Variants in ASPRV1 observed in about 807,000 individuals in gnomAD.
ASPRV1 encodes retroviral-like aspartic protease 1.
Under a neutral mutation model 11.0 loss-of-function variants are expected in ASPRV1, and 7 were observed. The ratio of observed to expected loss-of-function variants is 0.64; its 90% CI spans 0.36 to 1.20. The LOEUF (loss-of-function observed/expected upper bound fraction) is 1.20. Ranked by LOEUF, ASPRV1 falls within the 50% of genes most tolerant of loss-of-function variation. The probability of loss-of-function intolerance (pLI) is 0.02; values close to 1 mark genes in which losing one functional copy is unlikely to be tolerated. For missense variants in ASPRV1, 299 were observed against 320.0 expected (o/e 0.93, Z 0.50); for synonymous variants, 136 against 138.4 (o/e 0.98, Z 0.12).
chr2:69,997,494 C>T, the ASPRV1 span, among the ~76,000 whole-genome samples: 401 of 152,280 alleles, frequency 2.6e-3, 2 homozygotes, highest in Non-Finnish European at 4.9e-3. Flanking sequence ...CTGTGAGTCA[C>T]CCCGGGCTTC....
At chr2:70,053,014 T>C in the ASPRV1 span, among the ~76,000 whole-genome samples, 4 of 152,110 alleles carry the variant, frequency 2.6e-5, no homozygotes, top group East Asian at 1.9e-4. Context: ...GCCCCTACCA[T>C]GTCCTCTCCT....
chr2:70,072,355 C>A, the ASPRV1 span, among the ~76,000 whole-genome samples: 1 of 152,016 alleles, frequency 6.6e-6, no homozygotes, highest in Non-Finnish European at 1.5e-5. Flanking sequence ...GAGTTCAAGG[C>A]TACAGTAAGC....
At chr2:69,987,262 T>C in the ASPRV1 span, among the ~76,000 whole-genome samples, 4 of 151,918 alleles carry the variant, frequency 2.6e-5, no homozygotes, top group Non-Finnish European at 5.9e-5. Context: ...GCCGCGATGT[T>C]CCCCAAGGCT....
At chr2:70,023,219 C>T in the ASPRV1 span, among the ~76,000 whole-genome samples, 7 of 152,092 alleles carry the variant, frequency 4.6e-5, no homozygotes, top group Non-Finnish European at 7.4e-5. Flanking sequence ...AAGATGGGGG[C>T]GAGGGCCTGA....
chr2:70,080,320 A>G, the ASPRV1 span, among the ~76,000 whole-genome samples: 1 of 151,804 alleles, frequency 6.6e-6, no homozygotes, highest in East Asian at 1.9e-4. Flanking sequence ...TCCGCCTCCC[A>G]GGTTCAAGCA....
the ASPRV1 span, among the ~76,000 whole-genome samples, chr2:70,009,599 G>C: frequency 1.3e-5 from 2 of 152,110 alleles, no homozygotes; most frequent in African/African-American, 4.8e-5. Flanking sequence ...CAAAGTGCTG[G>C]GATTACAGGC....
the ASPRV1 span, among the ~76,000 whole-genome samples, chr2:69,984,192 C>T: frequency 1.3e-5 from 2 of 152,232 alleles, no homozygotes; most frequent in South Asian, 4.1e-4. Context: ...GGGTGCACCA[C>T]CATACCCAGC....
chr2:69,960,010 G>C (rs182474519), downstream of ASPRV1: 2 of 152,524 alleles, frequency 1.3e-5, no homozygotes, highest in East Asian at 1.9e-4. Context: ...TAGGCACTCA[G>C]TAGACATGTG....
the ASPRV1 span, among the ~76,000 whole-genome samples, chr2:70,025,214 G>A: frequency 6.6e-6 from 1 of 152,280 alleles, no homozygotes; most frequent in Middle Eastern, 3.4e-3. Context: ...GTGTGTTGGG[G>A]ATTAGAAATG....
chr2:69,999,663 A>T, the ASPRV1 span, among the ~76,000 whole-genome samples: 3 of 150,936 alleles, frequency 2.0e-5, no homozygotes, highest in South Asian at 6.3e-4. Flanking sequence ...CTCAAAAAAA[A>T]AAAAAAAAAA....
the ASPRV1 span, among the ~76,000 whole-genome samples, chr2:70,037,215 T>C: frequency 2.6e-5 from 4 of 152,354 alleles, no homozygotes; most frequent in Middle Eastern, 3.4e-3. Flanking sequence ...ATTTCCATCA[T>C]GATAGGTAAC....
At chr2:70,076,400 T>G in the ASPRV1 span, among the ~76,000 whole-genome samples, 2 of 152,234 alleles carry the variant, frequency 1.3e-5, no homozygotes, top group African/African-American at 4.8e-5. Flanking sequence ...TAAATGAGAA[T>G]AACAACTATT....
the ASPRV1 span, among the ~76,000 whole-genome samples, chr2:69,981,672 T>C: frequency 6.6e-6 from 1 of 152,206 alleles, no homozygotes; most frequent in Non-Finnish European, 1.5e-5. Context: ...TTATCCTGCC[T>C]CAGCCTCCTG....
the ASPRV1 span, among the ~76,000 whole-genome samples, chr2:69,989,633 C>T: frequency 3.9e-5 from 6 of 152,362 alleles, no homozygotes; most frequent in East Asian, 1.2e-3. Flanking sequence ...CCAGAGTAAA[C>T]AGCCTGATGA....
chr2:69,985,373 C>T, the ASPRV1 span, among the ~76,000 whole-genome samples: 2 of 152,196 alleles, frequency 1.3e-5, no homozygotes, highest in African/African-American at 2.4e-5. Context: ...TGTTTCATGA[C>T]GCACATTCTT....
the ASPRV1 span, among the ~76,000 whole-genome samples, chr2:70,011,168 A>AG: frequency 1.3e-5 from 2 of 152,084 alleles, no homozygotes; most frequent in African/African-American, 4.8e-5. Flanking sequence ...CTTGGGTACT[A>AG]GGCTTAGTAC....
chr2:70,046,422 C>T, the ASPRV1 span: 4 of 152,244 alleles, frequency 2.6e-5, no homozygotes, highest in Admixed American at 1.3e-4. Context: ...GAAGGAGGAT[C>T]ACAGAGAAAT....
the ASPRV1 span, among the ~76,000 whole-genome samples, chr2:70,002,820 T>C: frequency 6.6e-6 from 1 of 152,182 alleles, no homozygotes; most frequent in Non-Finnish European, 1.5e-5. Flanking sequence ...AGAATAGCCC[T>C]ATGTCCCTGG....
chr2:69,935,608 T>C, the ASPRV1 span: 3 of 643,518 alleles, frequency 4.7e-6, no homozygotes, highest in Non-Finnish European at 8.6e-6. Flanking sequence ...ATGCAACATA[T>C]TCAAAACCCA....
Sources: allele counts gnomAD v4.1 joint callset (sites outside exome capture counted in the v4.1 genomes callset), GRCh38; gene constraint gnomAD v4.1.1; transcripts MANE v1.5; gene names NCBI Gene and HGNC (gene_info 2026-07-23, HGNC 2026-07-21).